PDSS2: variants seen among roughly 807,000 people sequenced by gnomAD.
The protein encoded by PDSS2 is decaprenyl diphosphate synthase subunit 2.
PDSS2 carries 31 observed loss-of-function variants against 44.5 expected under a neutral mutation model. The observed-to-expected ratio is 0.70, with a 90% CI of 0.52 to 0.94. PDSS2 has a LOEUF of 0.94. Ranked by LOEUF, PDSS2 falls within the 40% of genes least tolerant of loss-of-function variation. PDSS2 has a pLI of 0.00. For synonymous variants in PDSS2, 157 were observed against 180.3 expected (o/e 0.87, Z 1.03); for missense variants, 452 against 482.2 (o/e 0.94, Z 0.59).
At chr6:107,312,734 C>A (rs192419737) in intron 2 of PDSS2, among the ~76,000 whole-genome samples, 25 of 152,026 alleles carry the variant, frequency 1.6e-4, no homozygotes, top group African/African-American at 5.5e-4. Context: ...AATGTGGCCA[C>A]CTGTGGAGGG....
intron 2 of PDSS2, among the ~76,000 whole-genome samples, chr6:107,315,338 A>G (rs143817410): frequency 5.9e-5 from 9 of 152,374 alleles, no homozygotes; most frequent in African/African-American, 2.2e-4. Context: ...GGTTAACAGC[A>G]TCTGAATTAC....
intron 4 of PDSS2, among the ~76,000 whole-genome samples, chr6:107,221,170 G>A (rs953714467): frequency 1.8e-4 from 28 of 152,062 alleles, no homozygotes; most frequent in African/African-American, 6.5e-4. Flanking sequence ...GTGAAACCCC[G>A]TCTCTACCAA....
chr6:107,233,196 T>C (rs1245480366), intron 4 of PDSS2, among the ~76,000 whole-genome samples: 1 of 152,196 alleles, frequency 6.6e-6, no homozygotes, highest in Non-Finnish European at 1.5e-5. Flanking sequence ...AAGCTCCCTC[T>C]GAAACATTTT....
intron 2 of PDSS2, among the ~76,000 whole-genome samples, chr6:107,314,067 A>G (rs1209490529): frequency 6.6e-6 from 1 of 152,186 alleles, no homozygotes; most frequent in Non-Finnish European, 1.5e-5. Context: ...GCAGTGAACT[A>G]TGATTGCTCC....
rs541192618 is a variant in PDSS2, at chr6:107,332,575, T to C, written c.431+1623A>G. On this transcript the variant is annotated intron_variant, in intron 2 of 7. Coordinates refer to ENST00000369037, the MANE Select transcript of PDSS2 (RefSeq NM_020381.4). ...TAGTCTGATCTATAACTGAAATACATATATATTTTGAAATAGATTAGAAAG... is the reference window on the plus strand; with the variant it reads ...TAGTCTGATCTATAACTGAAATACACATATATTTTGAAATAGATTAGAAAG... Among the ~76,000 whole-genome samples the C allele has an allele frequency of 3.3e-5, 5 of 152,036 alleles. No homozygotes were observed. In the South Asian group the frequency reaches 1.0e-3, roughly 32 times the overall value.
intron 1 of PDSS2, among the ~76,000 whole-genome samples, chr6:107,338,848 T>C (rs1029963511): frequency 6.6e-6 from 1 of 152,116 alleles, no homozygotes; most frequent in African/African-American, 2.4e-5. Flanking sequence ...TCTGTTCTTT[T>C]AAAAGGGTTC....
chr6:107,304,251 A>G (rs1417103266), intron 2 of PDSS2, among the ~76,000 whole-genome samples: 1 of 152,196 alleles, frequency 6.6e-6, no homozygotes, highest in African/African-American at 2.4e-5. Context: ...AAAGGCCCTT[A>G]GCTTCTTTCT....
At chr6:107,169,039 G>A (rs1176195126) in intron 7 of PDSS2, among the ~76,000 whole-genome samples, 2 of 152,182 alleles carry the variant, frequency 1.3e-5, no homozygotes, top group East Asian at 3.9e-4. Context: ...GCTAGGTTGG[G>A]GAAGTTCTCC....
intron 7 of PDSS2, among the ~76,000 whole-genome samples, chr6:107,183,727 G>A (rs10457160): frequency 0.32 from 48,266 of 151,826 alleles, 8,050 homozygotes; most frequent in East Asian, 0.53. Flanking sequence ...GTGAAACCCC[G>A]TCTCTAAAAA....
intron 2 of PDSS2, among the ~76,000 whole-genome samples, chr6:107,292,235 A>C (rs1156657942): frequency 6.6e-6 from 1 of 152,014 alleles, no homozygotes; most frequent in Non-Finnish European, 1.5e-5. Context: ...AAAAAAAAAA[A>C]AAACCTTTAA....
intron 6 of PDSS2, among the ~76,000 whole-genome samples, chr6:107,194,469 T>A (rs902736265): frequency 5.9e-5 from 9 of 152,236 alleles, no homozygotes; most frequent in African/African-American, 1.9e-4. Flanking sequence ...TTTTATAAAA[T>A]CCCTTTTTCT....
At chr6:107,406,908 G>C (rs569393329) in intron 1 of PDSS2, among the ~76,000 whole-genome samples, 4 of 152,350 alleles carry the variant, frequency 2.6e-5, no homozygotes, top group South Asian at 4.1e-4. Context: ...AAGTCATGCT[G>C]ACATGCAATC....
At position 107,353,411 on chromosome 6, in the gene PDSS2, C is replaced by T. The variant is rs148751672; in HGVS notation, c.297-19079G>A. ...AACAAAGTATTTTTTAATAGCCATGCTTTAAAAAGTCATAACCATTCTATT... is the reference window on the plus strand; with the variant it reads ...AACAAAGTATTTTTTAATAGCCATGTTTTAAAAAGTCATAACCATTCTATT... On this transcript the variant is annotated intron_variant, in intron 1 of 7. Transcript: ENST00000369037. 5.7e-3 allele frequency among the ~76,000 whole-genome samples: 863 copies of T among 152,244 alleles called. 9 individuals are homozygous for T. The highest frequency in any genetic ancestry group is 0.019 in the African/African-American group (806 of 41,554).
At chr6:107,373,424 T>C (rs1779186479) in intron 1 of PDSS2, among the ~76,000 whole-genome samples, 1 of 152,180 alleles carries the variant, frequency 6.6e-6, no homozygotes, top group South Asian at 2.1e-4. Flanking sequence ...TACTTCTCAT[T>C]TTATACTATT....
intron 5 of PDSS2, 62 bp downstream of exon 5, chr6:107,212,047 G>T (rs1250819166): frequency 5.0e-6 from 7 of 1,392,914 alleles, no homozygotes; most frequent in South Asian, 1.2e-5. Context: ...ATGGCAAAAG[G>T]TTTCTTGTGT....
chr6:107,201,389 G>GCAAAAAAAAAAAAAA (rs1772767095), intron 6 of PDSS2, among the ~76,000 whole-genome samples: 1 of 17,184 alleles, frequency 5.8e-5, no homozygotes, highest in Non-Finnish European at 1.3e-4. Context: ...CCATACAAAA[G>GCAAAAAAAAAAAAAA]CAAAAAAAAA....
chr6:107,362,895 T>C (rs1778824202), intron 1 of PDSS2, among the ~76,000 whole-genome samples: 1 of 152,090 alleles, frequency 6.6e-6, no homozygotes, highest in Non-Finnish European at 1.5e-5. Flanking sequence ...AATGAAAATA[T>C]CACCAGAGAG....
chr6:107,381,162 G>A (rs889208472), intron 1 of PDSS2, among the ~76,000 whole-genome samples: 5 of 152,070 alleles, frequency 3.3e-5, no homozygotes, highest in African/African-American at 7.2e-5. Context: ...CACATAGCAC[G>A]TATTTAATAA....
chr6:107,276,759 GAGGGACAAAC>G (rs1430505769), intron 2 of PDSS2, among the ~76,000 whole-genome samples: 15 of 152,142 alleles, frequency 9.9e-5, no homozygotes, highest in Admixed American at 8.5e-4. Flanking sequence ...ATCGGCAAAT[GAGGGACAAAC>G]AGGCTTGATA....
Sources: allele counts gnomAD v4.1 joint callset (sites outside exome capture counted in the v4.1 genomes callset), GRCh38; gene constraint gnomAD v4.1.1; transcripts MANE v1.5; gene names NCBI Gene and HGNC (gene_info 2026-07-23, HGNC 2026-07-21).